CEP128: variants seen among roughly 807,000 people sequenced by gnomAD.
CEP128 encodes the protein centrosomal protein 128kDa.
Under a neutral mutation model 156.7 loss-of-function variants are expected in CEP128, and 132 were observed. The observed-to-expected ratio is 0.84, with a 90% CI of 0.73 to 0.97. CEP128 has a LOEUF of 0.97. Among genes scored for constraint, CEP128 ranks in the 50% least tolerant of loss-of-function variants. CEP128 has a pLI of 0.00. For synonymous variants in CEP128, 469 were observed against 448.9 expected (o/e 1.04, Z -0.57); for missense variants, 1,252 against 1,281.9 (o/e 0.98, Z 0.36).
intron 19 of CEP128, among the ~76,000 whole-genome samples, chr14:80,716,713 T>C (rs1368147460): frequency 6.6e-6 from 1 of 152,218 alleles, no homozygotes; most frequent in Non-Finnish European, 1.5e-5. Flanking sequence ...TGTACATGCG[T>C]GTACGGGTTT....
chr14:80,711,683 T>C (rs756890227), intron 19 of CEP128, among the ~76,000 whole-genome samples: 21 of 152,018 alleles, frequency 1.4e-4, no homozygotes, highest in Non-Finnish European at 2.8e-4. Flanking sequence ...ATAATTTAAG[T>C]ATACATTTAA....
intron 19 of CEP128, among the ~76,000 whole-genome samples, chr14:80,597,137 C>G (rs956092787): frequency 6.6e-6 from 1 of 151,706 alleles, no homozygotes; most frequent in Non-Finnish European, 1.5e-5. Context: ...TGAGCTGGTT[C>G]CTTACAAAGT....
intron 14 of CEP128, among the ~76,000 whole-genome samples, chr14:80,790,104 G>T (rs979303481): frequency 6.6e-6 from 1 of 151,902 alleles, no homozygotes; most frequent in Non-Finnish European, 1.5e-5. Context: ...CTGTCAGCAG[G>T]AAGGAAATAC....
chr14:80,552,520 G>C (rs1890252283), intron 21 of CEP128, among the ~76,000 whole-genome samples: 2 of 151,882 alleles, frequency 1.3e-5, no homozygotes. Context: ...CTTTTAAAAC[G>C]TTCTACTAAC....
intron 18 of CEP128, among the ~76,000 whole-genome samples, chr14:80,747,387 A>C (rs1334248129): frequency 6.6e-6 from 1 of 152,228 alleles, no homozygotes; most frequent in African/African-American, 2.4e-5. Flanking sequence ...CCAAACGATG[A>C]AACATTATTT....
intron 3 of CEP128, 21 bp from the exon 4 acceptor site, chr14:80,914,429 G>C (rs1201266457): frequency 6.4e-7 from 1 of 1,562,772 alleles, no homozygotes; most frequent in Non-Finnish European, 8.8e-7. Flanking sequence ...AAAATGGACT[G>C]AATTAATTAT....
At chr14:80,723,524 G>A (rs952531074) in intron 19 of CEP128, among the ~76,000 whole-genome samples, 2 of 152,156 alleles carry the variant, frequency 1.3e-5, no homozygotes, top group South Asian at 4.1e-4. Context: ...AACTTAATTG[G>A]CTCTATAAGA....
chr14:80,830,119 C>T, intron 13 of CEP128: 2 of 448,836 alleles, frequency 4.5e-6, no homozygotes, highest in Non-Finnish European at 8.0e-6. Context: ...AAAATAATAC[C>T]CATGAAGCAA....
At chr14:80,784,779 A>G in intron 15 of CEP128, 116 bp downstream of exon 15, 2 of 936,620 alleles carry the variant, frequency 2.1e-6, no homozygotes, top group Non-Finnish European at 3.2e-6. Context: ...TGTTGGTTTT[A>G]TCTTCCCTTC....
chr14:80,930,733 A>T (rs1885413307), intron 2 of CEP128, among the ~76,000 whole-genome samples: 1 of 152,220 alleles, frequency 6.6e-6, no homozygotes, highest in South Asian at 2.1e-4. Context: ...TTTTCAAAAG[A>T]AAAAAACATG....
Position 80,596,985 on chromosome 14 carries a change from A to C in CEP128, c.2807-16562T>G, listed in dbSNP as rs138918306. ...TGAAAAGAGGAAAAGTCTCAAATGAATACCCTATGCTCCCACCTCAAGAAC... is the reference window on the plus strand; with the variant it reads ...TGAAAAGAGGAAAAGTCTCAAATGACTACCCTATGCTCCCACCTCAAGAAC... On this transcript the variant is annotated intron_variant, in intron 19 of 24. Coordinates refer to ENST00000555265, the MANE Select transcript of CEP128 (RefSeq NM_152446.5). 2.1e-4 allele frequency among the ~76,000 whole-genome samples: 32 copies of C among 150,232 alleles called. No individual in the cohort carries two copies. The East Asian group carries it at 6.3e-3, about 30-fold the overall frequency.
At chr14:80,494,227 C>G (rs945932173), downstream of CEP128, among the ~76,000 whole-genome samples, 1 of 152,098 alleles carries the variant, frequency 6.6e-6, no homozygotes, top group Non-Finnish European at 1.5e-5. Context: ...AGCTAAGGTT[C>G]ATAATTTAGT....
intron 9 of CEP128, among the ~76,000 whole-genome samples, chr14:80,858,035 G>GA (rs1285791258): frequency 9.2e-5 from 14 of 151,990 alleles, no homozygotes; most frequent in African/African-American, 3.4e-4. Context: ...CACAGAATTG[G>GA]AAAAAACTAC....
At chr14:80,592,177 G>A (rs1396736611) in intron 19 of CEP128, among the ~76,000 whole-genome samples, 1 of 152,096 alleles carries the variant, frequency 6.6e-6, no homozygotes, top group Middle Eastern at 3.2e-3. Flanking sequence ...GAAGGAGACA[G>A]AGACATGAAA....
chr14:80,498,008 A>T (rs1378516307), intron 24 of CEP128, among the ~76,000 whole-genome samples: 1 of 152,156 alleles, frequency 6.6e-6, no homozygotes, highest in Non-Finnish European at 1.5e-5. Context: ...CTGTTCTTTT[A>T]CTATCTCCTA....
At chr14:80,550,305 G>A (rs534436283) in intron 21 of CEP128, among the ~76,000 whole-genome samples, 3 of 152,026 alleles carry the variant, frequency 2.0e-5, no homozygotes, top group Non-Finnish European at 4.4e-5. Flanking sequence ...TAAGTCAATG[G>A]TTTTCAAAAT....
intron 19 of CEP128, among the ~76,000 whole-genome samples, chr14:80,688,011 T>C (rs922728115): frequency 1.3e-5 from 2 of 152,162 alleles, no homozygotes; most frequent in African/African-American, 4.8e-5. Flanking sequence ...TGATAGTTGC[T>C]TCATGTTAAT....
In CEP128 at chr14:80,934,632, G is replaced by C. The variant is rs557475783; in HGVS notation, c.-16+4753C>G. ...CCCCAGCATAGTGTCTGAGTGTCCG[G>C]CACATTCAATATTTACTTCTTAAAT... On this transcript the variant is annotated intron_variant, in intron 2 of 24. Transcript: ENST00000555265. 3.1e-3 allele frequency among the ~76,000 whole-genome samples: 475 copies of C among 152,234 alleles called. 1 individual carries two copies. The highest frequency in any genetic ancestry group is 5.5e-3 in the Non-Finnish European group (371 of 68,014).
At chr14:80,485,989 G>A (rs1195380799), downstream of CEP128, among the ~76,000 whole-genome samples, 6 of 152,204 alleles carry the variant, frequency 3.9e-5, no homozygotes, top group African/African-American at 1.4e-4. Context: ...GAGGAGCTAT[G>A]CTGTTTGCTC....
Sources: gnomAD v4.1 joint callset for allele counts (sites outside exome capture counted in the v4.1 genomes callset) on GRCh38, gnomAD v4.1.1 for gene constraint, MANE v1.5 for transcripts, NCBI Gene and HGNC (gene_info 2026-07-23, HGNC 2026-07-21) for gene names.